Variants in SPSB4 observed in about 807,000 individuals in gnomAD.
SPSB4 encodes SPRY domain-containing SOCS box protein 4.
In SPSB4, 21 loss-of-function variants were observed where a neutral mutation model predicts 20.9. That is an observed-to-expected ratio of 1.01 (90% CI 0.71 to 1.45). The LOEUF is 1.45. SPSB4 is among the 40% of genes most tolerant of loss of function. SPSB4 has a pLI of 0.00. For missense variants in SPSB4, 399 were observed against 399.2 expected, an observed-to-expected ratio of 1.00 and a Z score of 0.00; for synonymous variants, 207 against 183.8, an observed-to-expected ratio of 1.13 and a Z score of -1.02.
chr3:141,147,298 G>GACACAC lies in SPSB4; in HGVS notation c.*32_*37dup. 6.2e-7 allele frequency: 1 copy of GACACAC among 1,613,342 alleles called. No individual in the cohort carries two copies. ...AAGCCTGATGGGCAGCACAGACACA[G>GACACAC]ACACACACCGCAGGGCCCGACCCTC... On this transcript the variant is annotated 3_prime_UTR_variant, in exon 3 of 3. Coordinates refer to ENST00000310546, the MANE Select transcript of SPSB4 (RefSeq NM_080862.3).
chr3:141,108,749 T>C (rs571186356), intron 2 of SPSB4, among the ~76,000 whole-genome samples: 35 of 152,282 alleles, frequency 2.3e-4, no homozygotes, highest in African/African-American at 8.4e-4. Flanking sequence ...TATCAGGTGT[T>C]TGGGTCAGCT....
intron 2 of SPSB4, among the ~76,000 whole-genome samples, chr3:141,135,923 T>C (rs1466975817): frequency 6.6e-6 from 1 of 152,112 alleles, no homozygotes; most frequent in East Asian, 1.9e-4. Flanking sequence ...GCCACACTGA[T>C]TTCCACAATG....
rs148475894 is a variant in SPSB4 at position 141,123,252 on chromosome 3, A to G, written c.695-23890A>G. Among the ~76,000 whole-genome samples the G allele has an allele frequency of 3.5e-3, 537 of 152,324 alleles. 1 individual carries two copies. The highest frequency in any genetic ancestry group is 7.5e-3 in the East Asian group (39 of 5,190). ...CCCCTTTATAATTTAATGCATACCC[A>G]TGAATCTACCACCCTACCCAGTGCC... On this transcript the variant is annotated intron_variant, in intron 2 of 2. Transcript: ENST00000310546.
chr3:141,134,236 G>A lies in SPSB4; in HGVS notation c.695-12906G>A, dbSNP rs550324272. On this transcript the variant is annotated intron_variant, in intron 2 of 2. Transcript: ENST00000310546. ...TTAGATGAGTCTTTAGGGTTTTCTAGGTATACAGTCATATCATCGGCAAAT... is the reference window on the plus strand; with the variant it reads ...TTAGATGAGTCTTTAGGGTTTTCTAAGTATACAGTCATATCATCGGCAAAT... 3.6e-4 allele frequency among the ~76,000 whole-genome samples: 54 copies of A among 151,326 alleles called. No individual in the cohort carries two copies. The South Asian group carries it at 8.0e-3, about 22-fold the overall frequency.
chr3:141,079,440 T>C (rs1938183260), intron 2 of SPSB4, among the ~76,000 whole-genome samples: 1 of 152,270 alleles, frequency 6.6e-6, no homozygotes, highest in South Asian at 2.1e-4. Context: ...TTGAAATTCA[T>C]TGCACCCTGC....
chr3:141,145,995 C>G lies in SPSB4; in HGVS notation c.695-1147C>G, dbSNP rs148372549. Among the ~76,000 whole-genome samples the G allele has an allele frequency of 7.8e-3, 1,182 of 152,238 alleles. 12 individuals are homozygous for G. Among genetic ancestry groups the G allele is most frequent in the African/African-American group, 0.027 (1,129 of 41,530 alleles). On this transcript the variant is annotated intron_variant, in intron 2 of 2. Transcript: ENST00000310546. ...TATAAGAAATTCCCAGTTTCTGTACCTGTATATTTAAGAATTATTGCATAT... is the reference window on the plus strand; with the variant it reads ...TATAAGAAATTCCCAGTTTCTGTACGTGTATATTTAAGAATTATTGCATAT...
intron 2 of SPSB4, among the ~76,000 whole-genome samples, chr3:141,081,204 CAAAT>C (rs1274070598): frequency 2.6e-5 from 4 of 152,208 alleles, no homozygotes; most frequent in Admixed American, 1.3e-4. Context: ...TAATTAAAAT[CAAAT>C]AAAGTTAAAT....
At chr3:141,102,120 T>C (rs931624774) in intron 2 of SPSB4, among the ~76,000 whole-genome samples, 1 of 152,198 alleles carries the variant, frequency 6.6e-6, no homozygotes, top group Non-Finnish European at 1.5e-5. Context: ...GCAATAAAGG[T>C]GTATCCAGGC....
chr3:141,147,306 C>T lies in SPSB4; in HGVS notation c.*37C>T, dbSNP rs1306833881. The stretch of plus-strand genomic sequence containing the variant: ...TGGGCAGCACAGACACAGACACACA[C>T]CGCAGGGCCCGACCCTCCTGTCATT... On this transcript the variant is annotated 3_prime_UTR_variant, in exon 3 of 3. Coordinates refer to ENST00000310546, the MANE Select transcript of SPSB4 (RefSeq NM_080862.3). 6.2e-7 allele frequency: 1 copy of T among 1,611,758 alleles called. No homozygotes were observed. Among genetic ancestry groups the T allele is most frequent in the Non-Finnish European group, 8.5e-7 (1 of 1,178,414 alleles).
intron 2 of SPSB4, among the ~76,000 whole-genome samples, chr3:141,143,519 TG>T (rs1313716094): frequency 1.3e-5 from 2 of 152,146 alleles, no homozygotes; most frequent in Admixed American, 1.3e-4. Context: ...CTGGTGGAGG[TG>T]GCAGGGGAGT....
intron 2 of SPSB4, among the ~76,000 whole-genome samples, chr3:141,124,471 G>A (rs1455737474): frequency 6.6e-6 from 1 of 152,238 alleles, no homozygotes; most frequent in Admixed American, 6.5e-5. Flanking sequence ...ACAGGCCTCT[G>A]CCTAGGAGGG....
At chr3:141,075,067 C>T (rs138964687) in intron 2 of SPSB4, among the ~76,000 whole-genome samples, 62 of 151,736 alleles carry the variant, frequency 4.1e-4, no homozygotes, top group African/African-American at 1.5e-3. Flanking sequence ...AAACCCAGGC[C>T]TCCAATCCCC....
intron 2 of SPSB4, among the ~76,000 whole-genome samples, chr3:141,082,397 G>A (rs1938249826): frequency 6.6e-6 from 1 of 152,138 alleles, no homozygotes; most frequent in Non-Finnish European, 1.5e-5. Flanking sequence ...TATTGATGAT[G>A]GATTGTCTGC....
chr3:141,107,976 G>T (rs1938726077), intron 2 of SPSB4, among the ~76,000 whole-genome samples: 1 of 149,480 alleles, frequency 6.7e-6, no homozygotes, highest in Non-Finnish European at 1.5e-5. Context: ...TAAAATAAAA[G>T]ATTTTTATTT....
At chr3:141,069,650 C>A (rs1251883599) in intron 2 of SPSB4, among the ~76,000 whole-genome samples, 1 of 152,198 alleles carries the variant, frequency 6.6e-6, no homozygotes, top group Non-Finnish European at 1.5e-5. Flanking sequence ...CTGGCCCCAG[C>A]ACTCAACAAA....
At chr3:141,052,675 C>G (rs1404639139) in intron 1 of SPSB4, among the ~76,000 whole-genome samples, 1 of 152,156 alleles carries the variant, frequency 6.6e-6, no homozygotes, top group East Asian at 1.9e-4. Flanking sequence ...GGTCGCCTGG[C>G]CCGAGAGCGA....
chr3:141,113,363 C>T (rs1447139184), intron 2 of SPSB4, among the ~76,000 whole-genome samples: 1 of 152,178 alleles, frequency 6.6e-6, no homozygotes, highest in Non-Finnish European at 1.5e-5. Context: ...CCATTCACAA[C>T]AGCCAAAAGG....
intron 2 of SPSB4, among the ~76,000 whole-genome samples, chr3:141,124,918 A>C (rs994682871): frequency 1.3e-5 from 2 of 152,202 alleles, no homozygotes; most frequent in African/African-American, 4.8e-5. Flanking sequence ...CTGCATTTTC[A>C]ACAGGCTCCC....
chr3:141,147,025 A>G (rs1939424804), intron 2 of SPSB4, 117 bp from the exon 3 acceptor site: 1 of 1,414,804 alleles, frequency 7.1e-7, no homozygotes, highest in Non-Finnish European at 9.7e-7. Flanking sequence ...AGGAGAAGCC[A>G]TTGACCCTGA....
Sources: gnomAD v4.1 joint callset for allele counts (sites outside exome capture counted in the v4.1 genomes callset) on GRCh38, gnomAD v4.1.1 for gene constraint, MANE v1.5 for transcripts, NCBI Gene and HGNC (gene_info 2026-07-23, HGNC 2026-07-21) for gene names.